The following MOK variants were observed in gnomAD, a reference collection of about 807,000 sequenced individuals.
The protein encoded by MOK is MOK protein kinase, also known as MAPK/MAK/MRK overlapping kinase.
A neutral mutation model predicts 54.2 loss-of-function variants in MOK; 59 were observed. The ratio of observed to expected loss-of-function variants is 1.09; its 90% confidence interval spans 0.88 to 1.35. MOK has a LOEUF of 1.35. Among genes scored for constraint, MOK ranks in the 40% most tolerant of loss-of-function variants. The pLI, the probability that MOK is intolerant of heterozygous loss-of-function variation, is 0.00. For synonymous variants in MOK, 210 were observed against 202.7 expected (o/e 1.04, Z -0.31); for missense variants, 517 against 526.2 (o/e 0.98, Z 0.17).
At chr14:102,251,493 G>C (rs2274814) in intron 6 of MOK, 23,422 of 542,046 alleles carry the variant, frequency 0.043, 657 homozygotes, top group African/African-American at 0.1. Flanking sequence ...AGGTTTGAAC[G>C]GCCGTCTGAA....
At chr14:102,290,894 TGA>T (rs2070699939) in intron 1 of MOK, among the ~76,000 whole-genome samples, 2 of 152,144 alleles carry the variant, frequency 1.3e-5, no homozygotes, top group South Asian at 4.2e-4. Context: ...GAGAGGGGTG[TGA>T]GATACAACCA....
chr14:102,224,096 C>T (rs1007206426), downstream of MOK, among the ~76,000 whole-genome samples: 3 of 140,840 alleles, frequency 2.1e-5, no homozygotes, highest in East Asian at 4.2e-4. Flanking sequence ...GGCTGGAGTG[C>T]AGTGGCGCAA....
In MOK at chr14:102,232,608, T is replaced by C. The variant is rs762680831; in HGVS notation, c.793A>G (p.Met265Val). Residue 265 changes from methionine to valine, a missense_variant, in exon 9 of 12, where the codon ATG becomes GTG. Met to Val is a conservative substitution (Grantham distance 21, BLOSUM62 1). Transcript: ENST00000361847. The surrounding 1 kb of genome is among the most constrained non-coding windows in gnomAD (Gnocchi z 5.1). Reference sequence around the variant, plus strand: ...CTCTCATCGGGATCATAGGCCACCATTGCGTGCAGGAGGGAGAGGCATTGT... The same window carrying C: ...CTCTCATCGGGATCATAGGCCACCACTGCGTGCAGGAGGGAGAGGCATTGT... ...SPQCLSLLHAMVAYDPDERIA... is the reference protein window; with the variant it reads ...SPQCLSLLHAVVAYDPDERIA... The C allele has an allele frequency of 3.1e-6, 5 of 1,614,060 alleles. No homozygotes were observed. The highest frequency in any genetic ancestry group is 1.7e-5 in the Admixed American group (1 of 60,020).
At chr14:102,297,315 G>A (rs577449470) in intron 1 of MOK, among the ~76,000 whole-genome samples, 7 of 146,980 alleles carry the variant, frequency 4.8e-5, no homozygotes, top group Middle Eastern at 3.9e-3. Context: ...CCAAGATTAC[G>A]TCACTGCACT....
chr14:102,249,567 G>A lies in MOK; in HGVS notation c.590+1245C>T, dbSNP rs930531993. Among the ~76,000 whole-genome samples the A allele has an allele frequency of 1.3e-5, 2 of 152,260 alleles. No homozygotes were observed. The highest frequency in any genetic ancestry group is 2.1e-4 in the South Asian group (1 of 4,822). On this transcript the variant is annotated intron_variant, in intron 7 of 11. Coordinates refer to ENST00000361847, the MANE Select transcript of MOK (RefSeq NM_014226.3). This position sits in a 1 kb window ranked among gnomAD's most constrained non-coding sequence, Gnocchi z 5.3. ...TCTACTAAAAATACAAAATTAGCCG[G>A]GCGTGGTGGTGCATGCCTGTAATCC...
chr14:102,264,413 G>A (rs1288703264), intron 3 of MOK: 1 of 152,352 alleles, frequency 6.6e-6, no homozygotes, highest in Non-Finnish European at 1.5e-5. Context: ...ACACAGAATA[G>A]GGACAGAGAC....
At chr14:102,283,376 T>C in intron 2 of MOK, 102 bp downstream of exon 2, 1 of 684,564 alleles carries the variant, frequency 1.5e-6, no homozygotes, top group Non-Finnish European at 2.5e-6. Flanking sequence ...GATTGTATCT[T>C]ACATATTATT....
chr14:102,275,426 T>C (rs976104173), intron 2 of MOK, among the ~76,000 whole-genome samples: 1 of 151,782 alleles, frequency 6.6e-6, no homozygotes, highest in East Asian at 1.9e-4. Flanking sequence ...TAGCCGGGCG[T>C]GGTGGTGGGC....
At chr14:102,303,127 C>G (rs879915448) in intron 1 of MOK, among the ~76,000 whole-genome samples, 12 of 151,372 alleles carry the variant, frequency 7.9e-5, no homozygotes, top group Non-Finnish European at 1.8e-4. Flanking sequence ...CACCACTGCA[C>G]TCCAGCCAGG....
intron 1 of MOK, among the ~76,000 whole-genome samples, chr14:102,301,050 G>GAGTACAGAA (rs1364774518): frequency 1.3e-5 from 2 of 152,150 alleles, no homozygotes; most frequent in Non-Finnish European, 2.9e-5. Flanking sequence ...AGCCAAGATT[G>GAGTACAGAA]TGCCACTGTA....
intron 1 of MOK, among the ~76,000 whole-genome samples, chr14:102,291,969 A>C (rs928277677): frequency 2.7e-5 from 4 of 150,900 alleles, no homozygotes; most frequent in Admixed American, 1.3e-4. Context: ...AAAAAAAAAA[A>C]ACTAACAATA....
intron 1 of MOK, among the ~76,000 whole-genome samples, chr14:102,288,535 T>C (rs1452982776): frequency 6.6e-6 from 1 of 152,184 alleles, no homozygotes; most frequent in Non-Finnish European, 1.5e-5. Flanking sequence ...GCTGGTGGAA[T>C]GTGGGATAAA....
chr14:102,283,171 T>A (rs2069649384), intron 2 of MOK: 3 of 206,434 alleles, frequency 1.5e-5, no homozygotes, highest in Admixed American at 5.8e-5. Context: ...CTGTTTTTTT[T>A]AATTAAAAAA....
At chr14:102,222,926 G>C (rs371961127), downstream of MOK, 2 of 1,612,184 alleles carry the variant, frequency 1.2e-6, no homozygotes, top group Non-Finnish European at 8.5e-7. This position sits in a 1 kb window ranked among gnomAD's most constrained non-coding sequence, Gnocchi z 4.4. Context: ...ACTTGGACTC[G>C]AGGGAGTGAC....
At chr14:102,299,780 C>T (rs1330269647) in intron 1 of MOK, among the ~76,000 whole-genome samples, 2 of 152,074 alleles carry the variant, frequency 1.3e-5, no homozygotes, top group Admixed American at 6.6e-5. Flanking sequence ...GACAGAGTCT[C>T]GTCATGTTGC....
At chr14:102,286,951 C>T (rs1415219484) in intron 1 of MOK, among the ~76,000 whole-genome samples, 1 of 145,496 alleles carries the variant, frequency 6.9e-6, no homozygotes, top group Non-Finnish European at 1.5e-5. Flanking sequence ...ATAATAATGT[C>T]CTTAAAAACT....
chr14:102,299,997 G>T (rs1326789346), intron 1 of MOK, among the ~76,000 whole-genome samples: 1 of 151,864 alleles, frequency 6.6e-6, no homozygotes, highest in Non-Finnish European at 1.5e-5. Flanking sequence ...GGGCAATATA[G>T]GGAGACCCCC....
chr14:102,242,303 T>C (rs1395981521), intron 7 of MOK, among the ~76,000 whole-genome samples: 1 of 152,174 alleles, frequency 6.6e-6, no homozygotes, highest in Non-Finnish European at 1.5e-5. Context: ...CCAACTCTGG[T>C]GCCAACTTGG....
At chr14:102,266,548 C>A (rs933847843) in intron 2 of MOK, among the ~76,000 whole-genome samples, 4 of 151,774 alleles carry the variant, frequency 2.6e-5, no homozygotes, top group African/African-American at 4.8e-5. Context: ...CTGTGCCCGG[C>A]CTCTTTCTTA....
Sources: allele counts gnomAD v4.1 joint callset (sites outside exome capture counted in the v4.1 genomes callset), GRCh38; gene constraint gnomAD v4.1.1; non-coding constraint Gnocchi (gnomAD v3.1); transcripts MANE v1.5; gene names NCBI Gene and HGNC (gene_info 2026-07-23, HGNC 2026-07-21).